The following UBAC2 variants were observed in gnomAD, a reference collection of about 807,000 sequenced individuals.
The protein encoded by UBAC2 is UBA domain containing 2.
A neutral mutation model predicts 44.0 loss-of-function variants in UBAC2; 26 were observed. The ratio of observed to expected loss-of-function variants is 0.59; its 90% CI spans 0.43 to 0.82. The LOEUF is 0.82. Ranked by LOEUF, UBAC2 falls within the 40% of genes least tolerant of loss-of-function variation. The probability of loss-of-function intolerance (pLI) is 0.00; values close to 1 mark genes in which losing one functional copy is unlikely to be tolerated. For synonymous variants in UBAC2, 155 were observed against 154.3 expected, an observed-to-expected ratio of 1.00 and a Z score of -0.04; for missense variants, 329 against 419.4, an observed-to-expected ratio of 0.78 and a Z score of 1.88.
chr13:99,254,113 A>G (rs2043497777), intron 4 of UBAC2, among the ~76,000 whole-genome samples: 3 of 152,224 alleles, frequency 2.0e-5, no homozygotes, highest in Admixed American at 2.0e-4. Context: ...AAAAAAATCA[A>G]TTAACTTCTT....
intron 2 of UBAC2, among the ~76,000 whole-genome samples, chr13:99,241,895 T>C (rs867983956): frequency 4.0e-5 from 6 of 149,888 alleles, no homozygotes; most frequent in East Asian, 3.9e-4. Context: ...CCTTCCGCAG[T>C]GTTTGTGTCC....
intron 8 of UBAC2, among the ~76,000 whole-genome samples, chr13:99,369,300 G>GCAAAAGTGATA (rs2045374899): frequency 6.6e-6 from 1 of 152,166 alleles, no homozygotes. Context: ...TTACAGTGGT[G>GCAAAAGTGATA]CAAAAGTGAT....
chr13:99,241,016 T>C (rs1303405425), intron 2 of UBAC2, among the ~76,000 whole-genome samples: 1 of 152,128 alleles, frequency 6.6e-6, no homozygotes, highest in Admixed American at 6.5e-5. Flanking sequence ...TTTCAGCACC[T>C]TGGGAGGCCA....
chr13:99,234,817 A>G (rs1182636638), intron 1 of UBAC2, among the ~76,000 whole-genome samples: 1 of 152,224 alleles, frequency 6.6e-6, no homozygotes, highest in Non-Finnish European at 1.5e-5. Flanking sequence ...ATGTCTCACA[A>G]TAGTGTGCAT....
At chr13:99,238,610 T>G in intron 2 of UBAC2, 56 bp downstream of exon 2, 1 of 1,428,774 alleles carries the variant, frequency 7.0e-7, no homozygotes, top group Non-Finnish European at 9.2e-7. Flanking sequence ...TTTTTTTTCT[T>G]TCTAGATTTG....
Position 99,385,372 on chromosome 13 carries a change from G to A in UBAC2, c.*37G>A, listed in dbSNP as rs976022786. The A allele has an allele frequency of 9.8e-6, 15 of 1,527,728 alleles. No homozygotes were observed. Among genetic ancestry groups the A allele is most frequent in the East Asian group, 4.5e-5 (2 of 44,450 alleles). 94.6% of individuals were successfully genotyped at this position (1,527,728 alleles called of 1,614,324 possible). On this transcript the variant is annotated 3_prime_UTR_variant, in exon 9 of 9. Coordinates refer to ENST00000403766, the MANE Select transcript of UBAC2 (RefSeq NM_001144072.2). ...CAACACTGGGACCGGACCGGCAGCC[G>A]AGTGACAGTGCGTGGTCCCCACCAT...
intron 5 of UBAC2, 82 bp downstream of exon 5, chr13:99,314,302 C>G: frequency 7.1e-7 from 1 of 1,407,574 alleles, no homozygotes; most frequent in Non-Finnish European, 9.4e-7. Context: ...CATTTGATCT[C>G]CTTGAAAACA....
At chr13:99,201,979 A>G (rs1274829170) in intron 1 of UBAC2, among the ~76,000 whole-genome samples, 2 of 150,262 alleles carry the variant, frequency 1.3e-5, no homozygotes, top group Non-Finnish European at 3.0e-5. Flanking sequence ...AGGCTGAGGC[A>G]GGAGAATGGC....
intron 1 of UBAC2, among the ~76,000 whole-genome samples, chr13:99,218,950 A>C (rs1030510646): frequency 6.6e-6 from 1 of 152,164 alleles, no homozygotes; most frequent in African/African-American, 2.4e-5. Flanking sequence ...GCATGGGTTT[A>C]CTGTGCTTTT....
chr13:99,204,270 T>A (rs1486842305), intron 1 of UBAC2, among the ~76,000 whole-genome samples: 4 of 152,086 alleles, frequency 2.6e-5, no homozygotes, highest in Non-Finnish European at 5.9e-5. Context: ...AGGCTGGTTG[T>A]GGGGAGGCAC....
chr13:99,340,660 T>C, intron 7 of UBAC2, 95 bp downstream of exon 7: 1 of 1,350,814 alleles, frequency 7.4e-7, no homozygotes, highest in Non-Finnish European at 1.0e-6. Flanking sequence ...GACTACATTT[T>C]ATTCCAGTGC....
intron 7 of UBAC2, among the ~76,000 whole-genome samples, chr13:99,348,439 C>T (rs936034093): frequency 1.4e-4 from 21 of 152,212 alleles, no homozygotes; most frequent in Admixed American, 9.2e-4. Flanking sequence ...GTTTCAGTCA[C>T]GGGGGGCCTT....
chr13:99,239,358 A>G (rs942991347), intron 2 of UBAC2, among the ~76,000 whole-genome samples: 2 of 152,240 alleles, frequency 1.3e-5, no homozygotes, highest in Non-Finnish European at 2.9e-5. Flanking sequence ...AACCCCGGAC[A>G]CACATTAGAA....
intron 1 of UBAC2, among the ~76,000 whole-genome samples, chr13:99,212,291 A>G (rs187336906): frequency 9.8e-5 from 15 of 152,370 alleles, no homozygotes; most frequent in African/African-American, 3.4e-4. Context: ...AAATGGTACT[A>G]TGAGGAGCTC....
chr13:99,356,458 C>T (rs929872251), intron 7 of UBAC2, among the ~76,000 whole-genome samples: 4 of 152,192 alleles, frequency 2.6e-5, no homozygotes, highest in African/African-American at 9.7e-5. Flanking sequence ...GTCTCCTGAT[C>T]GTATTGCCAT....
chr13:99,209,309 A>G (rs959470664), intron 1 of UBAC2, among the ~76,000 whole-genome samples: 45 of 152,316 alleles, frequency 3.0e-4, no homozygotes, highest in African/African-American at 1.1e-3. Flanking sequence ...GGGAACCCTC[A>G]CATTCCACTG....
At position 99,244,643 on chromosome 13, in the gene UBAC2, T is replaced by C. The variant is rs760542343; in HGVS notation, c.389+19T>C. 1.4e-6 allele frequency: 2 copies of C among 1,438,358 alleles called. No homozygotes were observed. Among genetic ancestry groups the C allele is most frequent in the Non-Finnish European group, 2.0e-6 (2 of 1,023,006 alleles). The allele number at this position is 1,438,358 out of a possible 1,614,324, so 89.1% of individuals were successfully genotyped here. ...CTGGATTGTAAGTAGCACTTAAAGA[T>C]TGACTTAATTTAGAACTACTTGAAT... On this transcript the variant is annotated intron_variant, in intron 4 of 8. Coordinates refer to ENST00000403766, the MANE Select transcript of UBAC2 (RefSeq NM_001144072.2).
intron 6 of UBAC2, among the ~76,000 whole-genome samples, chr13:99,322,945 CAAAA>C (rs2138787102): frequency 6.6e-6 from 1 of 152,072 alleles, no homozygotes; most frequent in Admixed American, 6.5e-5. Flanking sequence ...TAAAGACAAA[CAAAA>C]AAACCCAAAC....
intron 1 of UBAC2, among the ~76,000 whole-genome samples, chr13:99,212,831 C>A (rs2042949749): frequency 6.6e-6 from 1 of 152,168 alleles, no homozygotes; most frequent in African/African-American, 2.4e-5. Context: ...TTCATTTACT[C>A]TTCTTGAATG....
Sources: allele counts gnomAD v4.1 joint callset (sites outside exome capture counted in the v4.1 genomes callset), GRCh38; gene constraint gnomAD v4.1.1; transcripts MANE v1.5; gene names NCBI Gene and HGNC (gene_info 2026-07-23, HGNC 2026-07-21).